The following SYT2 variants were observed in gnomAD, a reference collection of about 807,000 sequenced individuals.
The protein encoded by SYT2 is synaptotagmin 2, also known as synaptotagmin-2.
SYT2 carries 15 observed loss-of-function variants against 39.9 expected under a neutral mutation model. That is an observed-to-expected ratio of 0.38 (90% CI 0.25 to 0.58). The LOEUF (loss-of-function observed/expected upper bound fraction) is 0.58, where lower values mean the gene tolerates loss of function less well. Among genes scored for constraint, SYT2 ranks in the 20% least tolerant of loss-of-function variants. The probability of loss-of-function intolerance (pLI) is 0.70; values close to 1 mark genes in which losing one functional copy is unlikely to be tolerated. For missense variants in SYT2, 389 were observed against 530.3 expected (o/e 0.73, Z 2.62); for synonymous variants, 181 against 204.5 (o/e 0.89, Z 0.98).
chr1:202,647,365 G>T (rs1692105818), intron 1 of SYT2, among the ~76,000 whole-genome samples: 1 of 152,178 alleles, frequency 6.6e-6, no homozygotes, highest in Admixed American at 6.5e-5. Context: ...TACTTTTGCA[G>T]TCTCCTGGGC....
chr1:202,706,893 C>G (rs1654266397), intron 1 of SYT2, among the ~76,000 whole-genome samples: 1 of 152,172 alleles, frequency 6.6e-6, no homozygotes, highest in Non-Finnish European at 1.5e-5. Context: ...CAATACTACC[C>G]TGAGAGTTAA....
intron 1 of SYT2, among the ~76,000 whole-genome samples, chr1:202,667,677 C>G (rs1251017429): frequency 6.6e-6 from 1 of 151,964 alleles, no homozygotes; most frequent in East Asian, 1.9e-4. Flanking sequence ...CCACAGTAGG[C>G]TTCTCAGATA....
rs1385596079 is a variant in SYT2 at position 202,599,276 on chromosome 1, GTCT to G, written c.992_994del (p.Lys331del). 4.3e-6 allele frequency: 7 copies of G among 1,611,168 alleles called. No individual in the cohort carries two copies. The highest frequency in any genetic ancestry group is 1.7e-4 in the Middle Eastern group (1 of 6,042). The stretch of plus-strand genomic sequence containing the variant: ...GGACTCGTTGAAGTATGGGTTCAGG[GTCT>G]TCTTCTTCACGGTTGTCTTCTTCTT... On this transcript the variant is annotated inframe_deletion, in exon 8 of 9. Transcript: ENST00000367268. The surrounding 1 kb of genome is among the most constrained non-coding windows in gnomAD (Gnocchi z 4.4).
At chr1:202,648,525 G>T (rs901124555) in intron 1 of SYT2, among the ~76,000 whole-genome samples, 3 of 152,162 alleles carry the variant, frequency 2.0e-5, no homozygotes, top group African/African-American at 7.2e-5. Flanking sequence ...AATACATACT[G>T]GTTATTTAGT....
At chr1:202,698,352 C>T (rs970092824) in intron 1 of SYT2, among the ~76,000 whole-genome samples, 1 of 152,166 alleles carries the variant, frequency 6.6e-6, no homozygotes, top group Admixed American at 6.5e-5. Flanking sequence ...AGCAGAGAGA[C>T]GTGTGCTCCC....
intron 1 of SYT2, among the ~76,000 whole-genome samples, chr1:202,636,775 C>T (rs1433845134): frequency 6.6e-6 from 1 of 152,184 alleles, no homozygotes; most frequent in Non-Finnish European, 1.5e-5. Context: ...ATTCTTAGAG[C>T]TATATGTAAA....
chr1:202,682,263 A>G (rs1169712166), intron 1 of SYT2, among the ~76,000 whole-genome samples: 1 of 152,136 alleles, frequency 6.6e-6, no homozygotes, highest in Non-Finnish European at 1.5e-5. Context: ...GCAGAGCATG[A>G]TGGGTTGGCT....
rs571102068 is a variant in SYT2 at position 202,637,210 on chromosome 1, G to C, written c.-17-31421C>G. ...ACCTCCCAAAACAAAAATTATCCAGGCATGGTGGTGCACACCTGTAGTCCC... is the reference window on the plus strand; with the variant it reads ...ACCTCCCAAAACAAAAATTATCCAGCCATGGTGGTGCACACCTGTAGTCCC... On this transcript the variant is annotated intron_variant, in intron 1 of 8. Transcript: ENST00000367268. 5.3e-5 allele frequency among the ~76,000 whole-genome samples: 8 copies of C among 152,194 alleles called. No individual in the cohort carries two copies. The South Asian group carries it at 1.7e-3, about 32-fold the overall frequency.
At chr1:202,605,974 T>C (rs1375350459) in intron 1 of SYT2, among the ~76,000 whole-genome samples, 185 bp from the exon 2 acceptor site, 4 of 152,018 alleles carry the variant, frequency 2.6e-5, no homozygotes, top group Admixed American at 6.6e-5. Context: ...CTGAGCAGCA[T>C]AGCAAGACCC....
intron 1 of SYT2, among the ~76,000 whole-genome samples, chr1:202,691,730 G>GAGAGATA (rs1558463413): frequency 7.2e-5 from 1 of 13,818 alleles, no homozygotes; most frequent in Non-Finnish European, 1.7e-4. Flanking sequence ...AGGGAGAGGG[G>GAGAGATA]GGGAGAGAGA....
intron 1 of SYT2, among the ~76,000 whole-genome samples, chr1:202,667,330 C>T (rs992991627): frequency 6.6e-6 from 1 of 152,176 alleles, no homozygotes; most frequent in African/African-American, 2.4e-5. Flanking sequence ...GGGATTCTCC[C>T]CTCCTCCCAC....
At position 202,610,421 on chromosome 1, in the gene SYT2, G is replaced by A. The variant is rs557475023; in HGVS notation, c.-17-4632C>T. 1.2e-3 allele frequency among the ~76,000 whole-genome samples: 177 copies of A among 152,318 alleles called. 1 individual carries two copies. The highest frequency in any genetic ancestry group is 4.0e-3 in the African/African-American group (167 of 41,578). On this transcript the variant is annotated intron_variant, in intron 1 of 8. Coordinates refer to ENST00000367268, the MANE Select transcript of SYT2 (RefSeq NM_177402.5). ...CCTTTGAAAACTGGCACAAGACAGG[G>A]ATGCCCCCTCTCACCACTCCTATTC...
intron 1 of SYT2, among the ~76,000 whole-genome samples, chr1:202,612,923 T>C (rs1177237514): frequency 1.3e-5 from 2 of 152,176 alleles, no homozygotes; most frequent in Non-Finnish European, 2.9e-5. Flanking sequence ...TGTTCCTAGG[T>C]ATCTTATTCT....
chr1:202,648,948 C>T (rs918158387), intron 1 of SYT2, among the ~76,000 whole-genome samples: 3 of 152,218 alleles, frequency 2.0e-5, no homozygotes, highest in Non-Finnish European at 4.4e-5. Flanking sequence ...AATGAAAGAG[C>T]TGTCTCAAGA....
intron 1 of SYT2, among the ~76,000 whole-genome samples, chr1:202,665,427 C>A (rs1692463919): frequency 6.6e-6 from 1 of 152,182 alleles, no homozygotes; most frequent in Admixed American, 6.5e-5. Context: ...GACCTCAAGG[C>A]CCTTGTCACA....
chr1:202,600,154 G>A (rs1025728032), intron 7 of SYT2, among the ~76,000 whole-genome samples: 2 of 152,156 alleles, frequency 1.3e-5, no homozygotes, highest in Non-Finnish European at 2.9e-5. Context: ...GCCAGAGAGC[G>A]CTGGGAAGGC....
At chr1:202,675,306 C>A (rs1409752763) in intron 1 of SYT2, among the ~76,000 whole-genome samples, 1 of 151,386 alleles carries the variant, frequency 6.6e-6, no homozygotes, top group African/African-American at 2.4e-5. Context: ...ACTAATAGGC[C>A]CTGCTCTCAT....
At chr1:202,621,082 G>A (rs1246874833) in intron 1 of SYT2, among the ~76,000 whole-genome samples, 1 of 152,164 alleles carries the variant, frequency 6.6e-6, no homozygotes, top group African/African-American at 2.4e-5. Flanking sequence ...GGTGCATAAG[G>A]AATTGATGAC....
chr1:202,704,030 G>A (rs777383671), intron 1 of SYT2, among the ~76,000 whole-genome samples: 20 of 152,300 alleles, frequency 1.3e-4, no homozygotes, highest in Middle Eastern at 6.8e-3. Flanking sequence ...CAAATGCCTC[G>A]GGGGAGCTTT....
Sources: allele counts gnomAD v4.1 joint callset (sites outside exome capture counted in the v4.1 genomes callset), GRCh38; gene constraint gnomAD v4.1.1; non-coding constraint Gnocchi (gnomAD v3.1); transcripts MANE v1.5; gene names NCBI Gene and HGNC (gene_info 2026-07-23, HGNC 2026-07-21).